Variants in PRRC2B observed in about 807,000 individuals in gnomAD.
The protein encoded by PRRC2B is protein PRRC2B.
In PRRC2B, 68 loss-of-function variants were observed where a neutral mutation model predicts 242.3. The ratio of observed to expected loss-of-function variants is 0.28; its 90% CI spans 0.23 to 0.34. PRRC2B has a LOEUF of 0.34. Among genes scored for constraint, PRRC2B ranks in the 10% least tolerant of loss-of-function variants. The pLI is 1.00. For missense variants in PRRC2B, 2,835 were observed against 2,954.8 expected (o/e 0.96, Z 0.94); for synonymous variants, 1,228 against 1,173.6 (o/e 1.05, Z -0.95).
intron 1 of PRRC2B, among the ~76,000 whole-genome samples, chr9:131,396,032 G>A (rs937767749): frequency 2.6e-5 from 4 of 152,156 alleles, no homozygotes; most frequent in African/African-American, 9.7e-5. Context: ...GCTGGATTCT[G>A]GTCCTCATCG....
intron 19 of PRRC2B, among the ~76,000 whole-genome samples, chr9:131,480,217 G>A (rs1000295196): frequency 1.3e-5 from 2 of 152,212 alleles, no homozygotes; most frequent in East Asian, 3.8e-4. Flanking sequence ...ACAAGCACCC[G>A]AGACACTGAG....
At chr9:131,456,399 A>G (rs1452515855) in intron 10 of PRRC2B, among the ~76,000 whole-genome samples, 3 of 151,962 alleles carry the variant, frequency 2.0e-5, no homozygotes, top group African/African-American at 4.8e-5. Flanking sequence ...TGGGAGGCCA[A>G]GGCGGGCGGA....
intron 18 of PRRC2B, 30 bp downstream of exon 18, chr9:131,478,649 G>GGGGGGGGGGCCCCGGGGC: frequency 2.2e-5 from 11 of 504,530 alleles, no homozygotes; most frequent in African/African-American, 4.0e-5. Flanking sequence ...GGGGCATGGG[G>GGGGGGGGGGCCCCGGGGC]CTGGAGGGCA....
chr9:131,430,338 G>T (rs1015898234), intron 2 of PRRC2B, 79 bp downstream of exon 2: 23 of 850,746 alleles, frequency 2.7e-5, no homozygotes, highest in African/African-American at 2.7e-4. Flanking sequence ...CCCTCACCTG[G>T]TTAGACAGAT....
At chr9:131,444,457 T>A in intron 6 of PRRC2B, 129 bp downstream of exon 6, 2 of 1,036,154 alleles carry the variant, frequency 1.9e-6, no homozygotes, top group Non-Finnish European at 2.8e-6. Context: ...GCTCTTTGAC[T>A]CGCCACGTGA....
Position 131,479,406 on chromosome 9 carries a change from G to A in PRRC2B, c.4900+13G>A. 2 of 1,611,672 alleles carry A rather than the reference G, an allele frequency of 1.2e-6. No individual in the cohort carries two copies. Among genetic ancestry groups the A allele is most frequent in the Non-Finnish European group, 1.7e-6 (2 of 1,179,106 alleles). ...AGCAGCAGCCAGGGTGAGAGTTGGG[G>A]GTGTGACCCCAGCTGTGGCACCCAA... On this transcript the variant is annotated intron_variant, in intron 19 of 31. Transcript: ENST00000683519.
At chr9:131,390,647 T>C (rs1241507733), upstream of PRRC2B, among the ~76,000 whole-genome samples, 1 of 150,644 alleles carries the variant, frequency 6.6e-6, no homozygotes, top group Non-Finnish European at 1.5e-5. Flanking sequence ...CACGCCTGGC[T>C]AATTTTTTGT....
intron 1 of PRRC2B, among the ~76,000 whole-genome samples, chr9:131,379,624 AT>A (rs34113422): frequency 8.7e-4 from 111 of 128,000 alleles, no homozygotes; most frequent in African/African-American, 9.0e-4. Flanking sequence ...TCCTTGGTCC[AT>A]TTTTTTTTTT....
At chr9:131,454,252 G>A (rs1325259723) in intron 9 of PRRC2B, among the ~76,000 whole-genome samples, 1 of 152,164 alleles carries the variant, frequency 6.6e-6, no homozygotes, top group Non-Finnish European at 1.5e-5. Context: ...CTACCACACT[G>A]TGTTCACACA....
intron 5 of PRRC2B, among the ~76,000 whole-genome samples, chr9:131,442,828 A>G (rs150786461): frequency 6.6e-6 from 1 of 152,196 alleles, no homozygotes; most frequent in Non-Finnish European, 1.5e-5. Flanking sequence ...TCATCCAAAA[A>G]TGGTGGCAGA....
intron 1 of PRRC2B, among the ~76,000 whole-genome samples, chr9:131,394,715 G>C (rs1321346166): frequency 6.6e-6 from 1 of 151,640 alleles, no homozygotes; most frequent in Admixed American, 6.6e-5. Context: ...CGCGCCCGAG[G>C]CGGGATCCTG....
At position 131,475,172 on chromosome 9, in the gene PRRC2B, C is replaced by T. The variant is rs1471010638; in HGVS notation, c.3043C>T (p.Arg1015Cys). The change falls in exon 16 of 32, where the codon CGC becomes TGC. Residue 1015 changes from arginine (R) to cysteine (C), a missense_variant. This residue lies in a region of PRRC2B where 1,536 missense variants were observed against 1,483.1 expected (regional missense o/e 1.04). Coordinates refer to ENST00000683519, the MANE Select transcript of PRRC2B (RefSeq NM_013318.4). ...DKGPGHATFGREATKFEEEEK... is the reference protein window; with the variant it reads ...DKGPGHATFGCEATKFEEEEK... ...AGGCCCTGGCCATGCCACTTTTGGC[C>T]GCGAGGCCACCAAATTTGAAGAGGA... is the stretch of plus-strand genomic sequence containing the variant. The T allele has an allele frequency of 9.9e-6, 16 of 1,613,126 alleles. No homozygotes were observed. The highest frequency in any genetic ancestry group is 2.2e-5 in the South Asian group (2 of 90,998).
At chr9:131,423,676 T>C (rs182515494) in intron 1 of PRRC2B, among the ~76,000 whole-genome samples, 113 of 152,354 alleles carry the variant, frequency 7.4e-4, no homozygotes, top group Middle Eastern at 3.4e-3. Flanking sequence ...TGTTCTGGGC[T>C]TTGTGGGCCA....
intron 1 of PRRC2B, among the ~76,000 whole-genome samples, chr9:131,421,313 C>T (rs140680727): frequency 5.1e-4 from 78 of 152,264 alleles, no homozygotes; most frequent in Non-Finnish European, 1.0e-3. Context: ...GCCTTACTTA[C>T]GTTAAAGGTT....
At chr9:131,397,571 T>TTTTTG (rs1837100711) in intron 1 of PRRC2B, among the ~76,000 whole-genome samples, 1 of 145,558 alleles carries the variant, frequency 6.9e-6, no homozygotes, top group African/African-American at 2.7e-5. Context: ...GGGTTTTTTT[T>TTTTTG]TTTTTTTTTT....
chr9:131,478,649 G>GGGGGGGGGGGCCCGGGGC, intron 18 of PRRC2B, 30 bp downstream of exon 18: 4 of 504,560 alleles, frequency 7.9e-6, no homozygotes, highest in Non-Finnish European at 1.2e-5. Context: ...GGGGCATGGG[G>GGGGGGGGGGGCCCGGGGC]CTGGAGGGCA....
At chr9:131,425,345 T>C (rs933721219) in intron 1 of PRRC2B, among the ~76,000 whole-genome samples, 3 of 151,982 alleles carry the variant, frequency 2.0e-5, no homozygotes, top group Non-Finnish European at 2.9e-5. Flanking sequence ...AATCAAACCT[T>C]CTCAGAGAAG....
At chr9:131,381,110 T>TC (rs2131263788) in intron 1 of PRRC2B, among the ~76,000 whole-genome samples, 1 of 152,208 alleles carries the variant, frequency 6.6e-6, no homozygotes, top group South Asian at 2.1e-4. Flanking sequence ...CCCTCCTTCA[T>TC]CCTACCCTTA....
At chr9:131,439,115 T>G in intron 5 of PRRC2B, 54 bp downstream of exon 5, 8 of 1,405,722 alleles carry the variant, frequency 5.7e-6, no homozygotes, top group African/African-American at 1.4e-5. Context: ...GGGAGGTGAA[T>G]GCCTTTTCCA....
Sources: allele counts gnomAD v4.1 joint callset (sites outside exome capture counted in the v4.1 genomes callset), GRCh38; gene constraint gnomAD v4.1.1; regional missense constraint gnomAD v4.1.1; transcripts MANE v1.5; gene names NCBI Gene and HGNC (gene_info 2026-07-23, HGNC 2026-07-21).